GALNT13: variants seen among roughly 807,000 people sequenced by gnomAD.
GALNT13 encodes the protein UDP-GalNAc:polypeptide N-acetylgalactosaminyltransferase 13.
Under a neutral mutation model 64.2 loss-of-function variants are expected in GALNT13, and 28 were observed. The observed-to-expected ratio is 0.44, with a 90% CI of 0.32 to 0.60. The LOEUF is 0.60. Among genes scored for constraint, GALNT13 ranks in the 20% least tolerant of loss-of-function variants. The pLI is 0.05. For missense variants in GALNT13, 577 were observed against 669.8 expected, an observed-to-expected ratio of 0.86 and a Z score of 1.53; for synonymous variants, 214 against 224.6, an observed-to-expected ratio of 0.95 and a Z score of 0.42.
At chr2:154,276,527 G>C (rs991637307) in intron 8 of GALNT13, among the ~76,000 whole-genome samples, 1 of 152,120 alleles carries the variant, frequency 6.6e-6, no homozygotes, top group African/African-American at 2.4e-5. Context: ...TGAACCACCA[G>C]GCCCTGTCAG....
chr2:153,851,963 T>C, the GALNT13 span, among the ~76,000 whole-genome samples: 1 of 152,134 alleles, frequency 6.6e-6, no homozygotes, highest in African/African-American at 2.4e-5. Context: ...TGTGAATTGG[T>C]ATAATATTAT....
chr2:153,161,224 C>T, the GALNT13 span, among the ~76,000 whole-genome samples: 1 of 152,182 alleles, frequency 6.6e-6, no homozygotes, highest in Non-Finnish European at 1.5e-5. Context: ...TGGGCTTATC[C>T]TTATGTTGCA....
At chr2:153,466,288 A>G in the GALNT13 span, among the ~76,000 whole-genome samples, 7 of 152,198 alleles carry the variant, frequency 4.6e-5, no homozygotes, top group African/African-American at 1.4e-4. Flanking sequence ...GTTGTACTAA[A>G]TAAATGTAAT....
chr2:153,712,127 G>C, the GALNT13 span, among the ~76,000 whole-genome samples: 1 of 152,100 alleles, frequency 6.6e-6, no homozygotes, highest in Non-Finnish European at 1.5e-5. Flanking sequence ...AGGGTAACTA[G>C]TCATAAAATT....
chr2:154,415,797 ATATT>A (rs1348027357), intron 11 of GALNT13, among the ~76,000 whole-genome samples: 1 of 152,162 alleles, frequency 6.6e-6, no homozygotes, highest in African/African-American at 2.4e-5. Context: ...CAACAGATAT[ATATT>A]CATTTTAAAG....
chr2:153,402,189 C>G, the GALNT13 span, among the ~76,000 whole-genome samples: 3 of 148,924 alleles, frequency 2.0e-5, no homozygotes, highest in African/African-American at 7.6e-5. Flanking sequence ...ACTTATGAAG[C>G]TTAGTTTGGC....
the GALNT13 span, among the ~76,000 whole-genome samples, chr2:153,258,477 A>G: frequency 5.9e-5 from 9 of 152,172 alleles, no homozygotes; most frequent in African/African-American, 2.2e-4. Flanking sequence ...TATCTTTATT[A>G]TAGTCTTTCT....
At chr2:153,518,564 C>A in the GALNT13 span, among the ~76,000 whole-genome samples, 1 of 152,062 alleles carries the variant, frequency 6.6e-6, no homozygotes, top group Non-Finnish European at 1.5e-5. Flanking sequence ...ATATTTTAAA[C>A]CTCTTTGTAT....
chr2:153,924,856 T>G (rs896080498), intron 2 of GALNT13, among the ~76,000 whole-genome samples: 2 of 152,212 alleles, frequency 1.3e-5, no homozygotes. Flanking sequence ...ATGTATGTTT[T>G]CTTTTGAAAA....
chr2:154,242,125 A>G lies in GALNT13; in HGVS notation c.407A>G (p.Tyr136Cys). 2 of 1,613,116 alleles carry G rather than the reference A, an allele frequency of 1.2e-6. No individual in the cohort carries two copies. Among genetic ancestry groups the G allele is most frequent in the East Asian group, 2.2e-5 (1 of 44,772 alleles). Residue 136 changes from tyrosine to cysteine, a missense_variant, in exon 5 of 13, where the codon TAC becomes TGC. By Grantham distance (194) the Tyr-to-Cys change is radical. Transcript: ENST00000392825. The stretch of plus-strand genomic sequence containing the variant: ...TGGAGCACTCTCCTTAGAACTGTTT[A>G]CAGTGTGATAAATCGTTCCCCACAC... The part of the protein sequence containing the change: ...EAWSTLLRTV[Y>C]SVINRSPHYL...
chr2:153,539,664 G>A, the GALNT13 span, among the ~76,000 whole-genome samples: 5 of 151,396 alleles, frequency 3.3e-5, no homozygotes, highest in East Asian at 7.8e-4. Context: ...TTTCCCCATT[G>A]CTTGTTTTTC....
At chr2:154,061,624 T>A (rs1271634206) in intron 3 of GALNT13, among the ~76,000 whole-genome samples, 2 of 152,094 alleles carry the variant, frequency 1.3e-5, no homozygotes, top group African/African-American at 4.8e-5. Flanking sequence ...CAATTTGACA[T>A]GAGATTTGAA....
At chr2:153,825,760 G>A in the GALNT13 span, among the ~76,000 whole-genome samples, 1 of 151,900 alleles carries the variant, frequency 6.6e-6, no homozygotes, top group Non-Finnish European at 1.5e-5. Flanking sequence ...CCTAAAAAAC[G>A]ACTAACAAGA....
chr2:153,444,175 A>G, the GALNT13 span, among the ~76,000 whole-genome samples: 2 of 152,056 alleles, frequency 1.3e-5, no homozygotes, highest in Non-Finnish European at 2.9e-5. Flanking sequence ...TCATTTATCC[A>G]TCCATCCACT....
chr2:153,836,138 G>C, the GALNT13 span, among the ~76,000 whole-genome samples: 1 of 151,950 alleles, frequency 6.6e-6, no homozygotes, highest in Non-Finnish European at 1.5e-5. Flanking sequence ...CTATGTCTTT[G>C]ACATCTGAAT....
intron 4 of GALNT13, among the ~76,000 whole-genome samples, chr2:154,146,688 G>C (rs1308304986): frequency 6.6e-6 from 1 of 152,020 alleles, no homozygotes; most frequent in Non-Finnish European, 1.5e-5. Flanking sequence ...CTCATACCAG[G>C]AGGAGAAGAG....
the GALNT13 span, among the ~76,000 whole-genome samples, chr2:153,656,819 T>C: frequency 6.6e-6 from 1 of 152,012 alleles, no homozygotes; most frequent in Non-Finnish European, 1.5e-5. Flanking sequence ...TGGACTTCCT[T>C]GAGAAAGTGG....
intron 9 of GALNT13, among the ~76,000 whole-genome samples, chr2:154,363,258 C>T (rs1242559348): frequency 6.6e-6 from 1 of 152,238 alleles, no homozygotes; most frequent in Admixed American, 6.5e-5. Context: ...TTCATCTTCT[C>T]TGCCTTCCCA....
the GALNT13 span, among the ~76,000 whole-genome samples, chr2:153,633,821 A>G: frequency 2.0e-5 from 3 of 152,196 alleles, no homozygotes; most frequent in Non-Finnish European, 2.9e-5. Context: ...TGCATTTTTC[A>G]TAGCAAAACA....
Sources: gnomAD v4.1 joint callset for allele counts (sites outside exome capture counted in the v4.1 genomes callset) on GRCh38, gnomAD v4.1.1 for gene constraint, MANE v1.5 for transcripts, NCBI Gene and HGNC (gene_info 2026-07-23, HGNC 2026-07-21) for gene names.